RNU5E-1: variants seen among roughly 807,000 people sequenced by gnomAD.
RNU5E-1 encodes RNA, U5E small nuclear.
chr1:11,908,153 T>A (rs763571808), exon 1 of RNU5E-1: 1 of 152,376 alleles, frequency 6.6e-6, no homozygotes, highest in African/African-American at 2.4e-5. Flanking sequence ...ACTGATGTTA[T>A]ACTCTGGTTT....
At chr1:11,908,245 T>TC in exon 1 of RNU5E-1, 1 of 138,930 alleles carries the variant, frequency 7.2e-6, no homozygotes, top group East Asian at 2.3e-4. Flanking sequence ...ACCAATTTTT[T>TC]GAGGCCTTGC....
At chr1:11,908,255 C>A (rs1056429283) in exon 1 of RNU5E-1, 4 of 135,410 alleles carry the variant, frequency 3.0e-5, no homozygotes, top group Non-Finnish European at 5.0e-5. Context: ...TGAGGCCTTG[C>A]GTTTCTTAGC....
At chr1:11,908,265 C>G (rs574998002) in exon 1 of RNU5E-1, 3 of 151,988 alleles carry the variant, frequency 2.0e-5, no homozygotes, top group Non-Finnish European at 4.4e-5. Flanking sequence ...CGTTTCTTAG[C>G]AGGGCTTATT....
chr1:11,908,154 A>T (rs141466170), exon 1 of RNU5E-1: 6 of 152,048 alleles, frequency 3.9e-5, no homozygotes, highest in African/African-American at 9.7e-5. Context: ...CTGATGTTAT[A>T]CTCTGGTTTC....
At chr1:11,908,215 G>GA (rs1645393892) in exon 1 of RNU5E-1, 1 of 152,060 alleles carries the variant, frequency 6.6e-6, no homozygotes, top group South Asian at 2.1e-4. Context: ...TCCGTGGAGA[G>GA]AAACGAGTGT....
exon 1 of RNU5E-1, chr1:11,908,234 A>T (rs892672974): frequency 6.8e-6 from 1 of 147,572 alleles, no homozygotes; most frequent in African/African-American, 2.4e-5. Flanking sequence ...GTGAGTCTGA[A>T]ACCAATTTTT....
At chr1:11,908,164 C>G (rs188460461) in exon 1 of RNU5E-1, 12 of 152,114 alleles carry the variant, frequency 7.9e-5, no homozygotes, top group Admixed American at 2.0e-4. Context: ...ACTCTGGTTT[C>G]TCTTCAAATC....
chr1:11,908,160 G>A lies in RNU5E-1; in HGVS notation n.9G>A, dbSNP rs147625257. 114 of 152,196 alleles carry A rather than the reference G, an allele frequency of 7.5e-4. 1 individual carries two copies. The highest frequency in any genetic ancestry group is 4.4e-3 in the East Asian group (23 of 5,188). 9.4% of individuals were successfully genotyped at this position (152,196 alleles called of 1,614,324 possible). A position where few individuals can be genotyped will look rare whatever the true frequency, so the allele number is the denominator to read the frequency against. On this transcript the variant is annotated non_coding_transcript_exon_variant, in exon 1 of 1. Coordinates refer to ENST00000362477, the Ensembl canonical transcript of RNU5E-1. Reference sequence around the variant, plus strand: ...TGTCGACGACTGATGTTATACTCTGGTTTCTCTTCAAATCGTATAAATCTT... The same window carrying A: ...TGTCGACGACTGATGTTATACTCTGATTTCTCTTCAAATCGTATAAATCTT...
At chr1:11,908,272 T>A (rs187699664), downstream of RNU5E-1, 16 of 152,158 alleles carry the variant, frequency 1.1e-4, no homozygotes, top group East Asian at 7.7e-4. Flanking sequence ...TAGCAGGGCT[T>A]ATTTTAAGTG....
exon 1 of RNU5E-1, chr1:11,908,170 A>C (rs191887382): frequency 1.3e-5 from 2 of 152,276 alleles, no homozygotes; most frequent in African/African-American, 4.8e-5. Flanking sequence ...GTTTCTCTTC[A>C]AATCGTATAA....
exon 1 of RNU5E-1, chr1:11,908,245 T>G (rs919168123): frequency 7.2e-6 from 1 of 139,042 alleles, no homozygotes. Flanking sequence ...ACCAATTTTT[T>G]GAGGCCTTGC....
At chr1:11,908,187 C>A (rs148372864) in exon 1 of RNU5E-1, 5 of 152,260 alleles carry the variant, frequency 3.3e-5, no homozygotes, top group East Asian at 1.9e-4. Context: ...ATAAATCTTT[C>A]GCCTTTTACT....
At chr1:11,908,258 T>C (rs1645395425) in exon 1 of RNU5E-1, 1 of 135,764 alleles carries the variant, frequency 7.4e-6, no homozygotes, top group Non-Finnish European at 1.7e-5. Context: ...GGCCTTGCGT[T>C]TCTTAGCAGG....
exon 1 of RNU5E-1, chr1:11,908,248 G>T (rs116343286): frequency 7.3e-6 from 1 of 136,242 alleles, no homozygotes; most frequent in Non-Finnish European, 1.7e-5. Flanking sequence ...AATTTTTTGA[G>T]GCCTTGCGTT....
exon 1 of RNU5E-1, chr1:11,908,211 G>T (rs547678269): frequency 2.0e-5 from 3 of 152,242 alleles, no homozygotes; most frequent in East Asian, 1.9e-4. Context: ...GATTTCCGTG[G>T]AGAGAAACGA....
exon 1 of RNU5E-1, chr1:11,908,225 T>A (rs981393777): frequency 1.3e-5 from 2 of 151,750 alleles, no homozygotes; most frequent in Non-Finnish European, 1.5e-5. Flanking sequence ...GAAACGAGTG[T>A]GAGTCTGAAA....
chr1:11,908,248 G>C (rs116343286), exon 1 of RNU5E-1: 1 of 136,242 alleles, frequency 7.3e-6, no homozygotes, highest in Non-Finnish European at 1.7e-5. Flanking sequence ...AATTTTTTGA[G>C]GCCTTGCGTT....
exon 1 of RNU5E-1, chr1:11,908,260 C>CAT (rs368197537): frequency 1.2e-5 from 1 of 82,796 alleles, no homozygotes; most frequent in Non-Finnish European, 3.0e-5. Context: ...CCTTGCGTTT[C>CAT]TTAGCAGGGC....
exon 1 of RNU5E-1, chr1:11,908,202 A>T (rs373274874): frequency 2.6e-5 from 4 of 152,156 alleles, no homozygotes; most frequent in Non-Finnish European, 4.4e-5. Flanking sequence ...TTTACTAAAG[A>T]TTTCCGTGGA....
Sources: allele counts gnomAD v4.1 joint callset, GRCh38; gene constraint gnomAD v4.1.1; transcripts MANE v1.5; gene names NCBI Gene and HGNC (gene_info 2026-07-23, HGNC 2026-07-21).